CLASP1: variants seen among roughly 807,000 people sequenced by gnomAD.
CLASP1 encodes the protein CLIP-associating protein 1.
CLASP1 carries 38 observed loss-of-function variants against 192.3 expected under a neutral mutation model. The observed-to-expected ratio is 0.20, with a 90% CI of 0.15 to 0.26. The LOEUF (loss-of-function observed/expected upper bound fraction) is 0.26. Among genes scored for constraint, CLASP1 ranks in the 10% least tolerant of loss-of-function variants. The pLI is 1.00. For missense variants in CLASP1, 1,433 were observed against 1,932.5 expected (o/e 0.74, Z 4.85); for synonymous variants, 691 against 712.8 (o/e 0.97, Z 0.49).
chr2:121,638,709 C>A (rs1410793736), intron 1 of CLASP1, among the ~76,000 whole-genome samples: 1 of 150,266 alleles, frequency 6.7e-6, no homozygotes, highest in Non-Finnish European at 1.5e-5. Context: ...CTCTTTTTGC[C>A]GAGGCTGGAG....
At chr2:121,582,801 C>T (rs1406413692) in intron 2 of CLASP1, among the ~76,000 whole-genome samples, 2 of 145,334 alleles carry the variant, frequency 1.4e-5, no homozygotes, top group Non-Finnish European at 3.0e-5. Flanking sequence ...TTTTTTTTAA[C>T]TGAGACAGAG....
At chr2:121,530,432 A>C in intron 2 of CLASP1, 107 bp from the exon 3 acceptor site, 1 of 792,074 alleles carries the variant, frequency 1.3e-6, no homozygotes. Flanking sequence ...ACGCAGTCCG[A>C]GAGTCCAGAC....
intron 28 of CLASP1, 125 bp downstream of exon 29, chr2:121,401,384 G>A: frequency 1.5e-6 from 1 of 681,816 alleles, no homozygotes; most frequent in Non-Finnish European, 2.5e-6. Flanking sequence ...ACAACAGAAA[G>A]TGAGAACTGA....
At chr2:121,413,992 A>G (rs1403965003) in intron 23 of CLASP1, among the ~76,000 whole-genome samples, 149 bp downstream of exon 24, 1 of 152,244 alleles carries the variant, frequency 6.6e-6, no homozygotes, top group East Asian at 1.9e-4. Context: ...TAAACATTCA[A>G]TAACTTAAAA....
intron 8 of CLASP1, among the ~76,000 whole-genome samples, chr2:121,486,036 C>G (rs1337258942): frequency 6.6e-6 from 1 of 152,194 alleles, no homozygotes; most frequent in Non-Finnish European, 1.5e-5. Context: ...AAGTGAAGTG[C>G]ATTCTAAGTG....
chr2:121,344,546 G>T (rs1298223958), intron 39 of CLASP1, among the ~76,000 whole-genome samples: 1 of 151,926 alleles, frequency 6.6e-6, no homozygotes, highest in Non-Finnish European at 1.5e-5. Flanking sequence ...GGTGAGGCTG[G>T]TCTTGAACTC....
At chr2:121,589,900 A>G (rs2105731414) in intron 2 of CLASP1, among the ~76,000 whole-genome samples, 1 of 152,278 alleles carries the variant, frequency 6.6e-6, no homozygotes, top group South Asian at 2.1e-4. Context: ...ATCCATTTCA[A>G]TGTGAACATC....
intron 33 of CLASP1, among the ~76,000 whole-genome samples, chr2:121,381,276 T>C (rs1283115939): frequency 6.6e-6 from 1 of 152,194 alleles, no homozygotes; most frequent in Middle Eastern, 3.2e-3. Context: ...ACAAAAGCTA[T>C]CTATGAAGTA....
intron 23 of CLASP1, among the ~76,000 whole-genome samples, chr2:121,415,750 G>T (rs1036957521): frequency 6.6e-6 from 1 of 152,114 alleles, no homozygotes; most frequent in African/African-American, 2.4e-5. Context: ...CATTTTATCT[G>T]TACTACTAGA....
At chr2:121,427,511 C>T in intron 20 of CLASP1, 81 bp from the exon 21 acceptor site, 5 of 1,434,604 alleles carry the variant, frequency 3.5e-6, no homozygotes, top group Non-Finnish European at 4.9e-6. Context: ...CAGCATGCAA[C>T]ACAACACAAA....
intron 7 of CLASP1, among the ~76,000 whole-genome samples, chr2:121,506,171 C>T (rs1009469184): frequency 1.3e-5 from 2 of 152,122 alleles, no homozygotes; most frequent in African/African-American, 4.8e-5. Flanking sequence ...AAAACATTGG[C>T]AAAAACCGTC....
intron 2 of CLASP1, among the ~76,000 whole-genome samples, chr2:121,543,848 T>TA (rs970355696): frequency 3.5e-4 from 53 of 150,806 alleles, no homozygotes; most frequent in Admixed American, 1.3e-3. Flanking sequence ...CCAGAGACAG[T>TA]AAAAAAAAAG....
chr2:121,616,400 T>C (rs2066472084), intron 1 of CLASP1, among the ~76,000 whole-genome samples: 1 of 152,016 alleles, frequency 6.6e-6, no homozygotes, highest in Admixed American at 6.6e-5. Flanking sequence ...TGAGCAGAGA[T>C]TGCACCATTG....
intron 8 of CLASP1, chr2:121,470,673 C>G (rs773015112): frequency 4.4e-6 from 2 of 452,888 alleles, no homozygotes. Flanking sequence ...TTTGAATTTC[C>G]AATAGTTTTA....
chr2:121,435,925 C>T (rs554823447), intron 19 of CLASP1, among the ~76,000 whole-genome samples: 1 of 151,684 alleles, frequency 6.6e-6, no homozygotes, highest in East Asian at 1.9e-4. Flanking sequence ...CCTTCCTATT[C>T]AGACTATTCA....
At chr2:121,447,864 C>T (rs938591067) in intron 18 of CLASP1, among the ~76,000 whole-genome samples, 9 of 152,178 alleles carry the variant, frequency 5.9e-5, no homozygotes, top group African/African-American at 2.2e-4. Flanking sequence ...GTGCCACGCC[C>T]TCTTACCTAG....
chr2:121,641,120 G>A (rs781581650), intron 1 of CLASP1, among the ~76,000 whole-genome samples: 6 of 152,126 alleles, frequency 3.9e-5, no homozygotes, highest in South Asian at 2.1e-4. Flanking sequence ...TTCCAAGAAC[G>A]AACCCAGCTA....
intron 8 of CLASP1, among the ~76,000 whole-genome samples, chr2:121,499,831 G>T (rs1346706923): frequency 4.0e-5 from 6 of 149,760 alleles, no homozygotes; most frequent in African/African-American, 1.5e-4. Flanking sequence ...AAAAAGATAA[G>T]ATAAACAGAA....
intron 10 of CLASP1, 151 bp downstream of exon 10, chr2:121,462,381 C>T (rs530737753): frequency 6.1e-5 from 31 of 505,322 alleles, no homozygotes; most frequent in Middle Eastern, 5.3e-4. Flanking sequence ...TTTGCTCCAA[C>T]ATTTTCTGGT....
Sources: allele counts gnomAD v4.1 joint callset (sites outside exome capture counted in the v4.1 genomes callset), GRCh38; gene constraint gnomAD v4.1.1; transcripts MANE v1.5; gene names NCBI Gene and HGNC (gene_info 2026-07-23, HGNC 2026-07-21).